PON3: variants seen among roughly 807,000 people sequenced by gnomAD.
The protein encoded by PON3 is paraoxonase 3.
In PON3, 37 loss-of-function variants were observed where a neutral mutation model predicts 36.3. That is an observed-to-expected ratio of 1.02 (90% CI 0.78 to 1.34). The LOEUF is 1.34. PON3 is among the 40% of genes most tolerant of loss of function. PON3 has a pLI of 0.00. For synonymous variants in PON3, 155 were observed against 154.8 expected, an observed-to-expected ratio of 1.00 and a Z score of -0.01; for missense variants, 415 against 426.5, an observed-to-expected ratio of 0.97 and a Z score of 0.24.
chr7:95,394,611 T>C (rs1809388623), intron 2 of PON3, 33 bp downstream of exon 2: 3 of 1,584,926 alleles, frequency 1.9e-6, no homozygotes, highest in Non-Finnish European at 2.6e-6. Flanking sequence ...CAAGAAGCTG[T>C]GCTGGCTCCT....
intron 1 of PON3, 51 bp downstream of exon 1, chr7:95,396,226 T>C: frequency 6.3e-7 from 1 of 1,591,684 alleles, no homozygotes; most frequent in Non-Finnish European, 8.6e-7. Flanking sequence ...TGACCTCACT[T>C]GGAAGAGGAG....
rs376520907 is a variant in PON3, at chr7:95,367,363, T to C, written c.493A>G (p.Ser165Gly). 1.9e-5 allele frequency: 31 copies of C among 1,611,904 alleles called. No homozygotes were observed. Among genetic ancestry groups the C allele is most frequent in the Non-Finnish European group, 2.2e-5 (26 of 1,179,604 alleles). The change falls in exon 5 of 9, where the codon AGT becomes GGT. Residue 165 changes from serine (S) to glycine (G), a missense_variant and splice_region_variant. Physicochemically the swap from Ser to Gly is moderately conservative, Grantham distance 56 (BLOSUM62 0). Transcript: ENST00000265627. ...CCGCACAATACTTTCATTCCATACC[T>C]TTTGAGAAGTTCATGTTTTATAGTT... ...LKTIKHELLK[S>G]VNDIVVLGPE...
intron 5 of PON3, chr7:95,365,009 T>C (rs1465067685): frequency 1.3e-5 from 2 of 152,200 alleles, no homozygotes; most frequent in South Asian, 2.1e-4. Context: ...TTTTGACATA[T>C]AATGACTTTC....
chr7:95,369,645 G>A (rs534659462), intron 4 of PON3, among the ~76,000 whole-genome samples: 89 of 152,136 alleles, frequency 5.9e-4, no homozygotes, highest in South Asian at 1.9e-3. Flanking sequence ...GCATGGTGGC[G>A]CATGCCTGTA....
chr7:95,388,776 C>A (rs992409142), intron 3 of PON3, among the ~76,000 whole-genome samples: 1 of 152,182 alleles, frequency 6.6e-6, no homozygotes, highest in African/African-American at 2.4e-5. Flanking sequence ...AGGATGAGTT[C>A]ATGTCCTTTG....
intron 3 of PON3, among the ~76,000 whole-genome samples, chr7:95,382,362 C>A (rs1246677930): frequency 6.6e-6 from 1 of 152,012 alleles, no homozygotes; most frequent in Non-Finnish European, 1.5e-5. Flanking sequence ...CAGAGCAGAA[C>A]TGAAGGAGAT....
chr7:95,386,968 T>C (rs1809206178), intron 3 of PON3, among the ~76,000 whole-genome samples: 2 of 152,130 alleles, frequency 1.3e-5, no homozygotes, highest in Non-Finnish European at 2.9e-5. Flanking sequence ...ATAAACTAGG[T>C]ATTGATAGAA....
At chr7:95,394,348 A>C (rs1809384158) in intron 2 of PON3, among the ~76,000 whole-genome samples, 1 of 152,224 alleles carries the variant, frequency 6.6e-6, no homozygotes, top group Non-Finnish European at 1.5e-5. Context: ...GAGGAGAGTG[A>C]AATACCACAG....
At chr7:95,377,670 C>A (rs1808951197) in intron 3 of PON3, 2 of 292,586 alleles carry the variant, frequency 6.8e-6, no homozygotes, top group Non-Finnish European at 1.4e-5. Context: ...CTCCAACAGA[C>A]CTGCAGCTGA....
At chr7:95,373,826 T>A (rs1808859557) in intron 3 of PON3, among the ~76,000 whole-genome samples, 1 of 152,066 alleles carries the variant, frequency 6.6e-6, no homozygotes, top group Admixed American at 6.6e-5. Context: ...AGAGTAGGGG[T>A]CCCCAACCCC....
At chr7:95,381,965 C>G (rs969909201) in intron 3 of PON3, among the ~76,000 whole-genome samples, 5 of 152,182 alleles carry the variant, frequency 3.3e-5, no homozygotes, top group East Asian at 1.9e-4. Flanking sequence ...AAGGACTACT[C>G]AGCAAATGTA....
rs577098582 is a variant in PON3, at chr7:95,367,492, C to T, written c.368-4G>A. On this transcript the variant is annotated splice_polypyrimidine_tract_variant and splice_region_variant and intron_variant, in intron 4 of 8. Transcript: ENST00000265627. ...ACATAAAGATACACAGTATTGTCTACATGGAAAAAAGGGATAATTTCCAAG... is the reference window on the plus strand; with the variant it reads ...ACATAAAGATACACAGTATTGTCTATATGGAAAAAAGGGATAATTTCCAAG... 31 of 1,612,496 alleles carry T rather than the reference C, an allele frequency of 1.9e-5. No homozygotes were observed. The highest frequency in any genetic ancestry group is 5.5e-5 in the South Asian group (5 of 91,050).
chr7:95,372,353 G>A lies in PON3; in HGVS notation c.202-15C>T. On this transcript the variant is annotated splice_polypyrimidine_tract_variant and intron_variant, in intron 3 of 8. Coordinates refer to ENST00000265627, the MANE Select transcript of PON3 (RefSeq NM_000940.3). The stretch of plus-strand genomic sequence containing the variant: ...TATTTTAATCCCTTTTAAAAATAAA[G>A]AACAAGTGTGCACACATATACATAT... 2 of 1,612,536 alleles carry A rather than the reference G, an allele frequency of 1.2e-6. No individual in the cohort carries two copies. The highest frequency in any genetic ancestry group is 2.2e-5 in the East Asian group (1 of 44,850).
At chr7:95,372,130 A>G in intron 4 of PON3, 43 bp downstream of exon 4, 42 of 1,427,050 alleles carry the variant, frequency 2.9e-5, no homozygotes, top group Non-Finnish European at 3.7e-5. Flanking sequence ...AATGGTTTCT[A>G]TTTCCCTCAT....
Position 95,372,282 on chromosome 7 carries a change from G to C in PON3, c.258C>G (p.Phe86Leu). The C allele has an allele frequency of 1.2e-6, 2 of 1,613,924 alleles. No homozygotes were observed. The highest frequency in any genetic ancestry group is 2.2e-5 in the East Asian group (1 of 44,860). ...GGTTTTGTTCATTCAGATCCATCAA[G>C]AAGATTTTTCCTGGTTCATCTGGCG... ...NFAPDEPGKI[F>L]LMDLNEQNPR... Residue 86 changes from phenylalanine to leucine, a missense_variant, in exon 4 of 9, where the codon TTC becomes TTG. By Grantham distance (22) the Phe-to-Leu change is conservative (BLOSUM62 0). Coordinates refer to ENST00000265627, the MANE Select transcript of PON3 (RefSeq NM_000940.3).
At chr7:95,368,141 T>C (rs1006724558) in intron 4 of PON3, among the ~76,000 whole-genome samples, 6 of 152,186 alleles carry the variant, frequency 3.9e-5, no homozygotes, top group African/African-American at 9.7e-5. Context: ...GTGAACAAGA[T>C]TGAGGGTAGT....
At chr7:95,383,456 A>C (rs184036962) in intron 3 of PON3, among the ~76,000 whole-genome samples, 416 of 152,336 alleles carry the variant, frequency 2.7e-3, no homozygotes, top group Non-Finnish European at 5.0e-3. Context: ...AGAAAACCCC[A>C]TTGTCTCAGC....
At chr7:95,362,255 T>A in intron 8 of PON3, 107 bp downstream of exon 8, 1 of 1,461,678 alleles carries the variant, frequency 6.8e-7, no homozygotes, top group Non-Finnish European at 9.5e-7. Flanking sequence ...GTAAAATTTC[T>A]TTAGTTCTAT....
At chr7:95,390,433 C>A (rs1809294366) in intron 2 of PON3, among the ~76,000 whole-genome samples, 1 of 152,034 alleles carries the variant, frequency 6.6e-6, no homozygotes, top group Non-Finnish European at 1.5e-5. Context: ...TTTTTAGAAC[C>A]CCATTTTCAG....
Sources: allele counts gnomAD v4.1 joint callset (sites outside exome capture counted in the v4.1 genomes callset), GRCh38; gene constraint gnomAD v4.1.1; transcripts MANE v1.5; gene names NCBI Gene and HGNC (gene_info 2026-07-23, HGNC 2026-07-21).